The following SIRT1 variants were observed in gnomAD, a reference collection of about 807,000 sequenced individuals.
SIRT1 encodes NAD-dependent protein deacetylase sirtuin-1.
In SIRT1, 24 loss-of-function variants were observed where a neutral mutation model predicts 67.9. The ratio of observed to expected loss-of-function variants is 0.35; its 90% CI spans 0.26 to 0.50. The LOEUF (loss-of-function observed/expected upper bound fraction) is 0.50. Ranked by LOEUF, SIRT1 falls within the 20% of genes least tolerant of loss-of-function variation. SIRT1 has a pLI of 0.98. For missense variants in SIRT1, 873 were observed against 937.2 expected (o/e 0.93, Z 0.89); for synonymous variants, 378 against 350.7 (o/e 1.08, Z -0.87).
intron 8 of SIRT1, among the ~76,000 whole-genome samples, chr10:67,915,730 A>C (rs1156982052): frequency 1.3e-5 from 2 of 151,886 alleles, no homozygotes; most frequent in African/African-American, 4.8e-5. Flanking sequence ...TACTTTAGAG[A>C]AGCTACTTAA....
intron 1 of SIRT1, among the ~76,000 whole-genome samples, chr10:67,886,327 T>C (rs1031866593): frequency 1.3e-5 from 2 of 151,764 alleles, no homozygotes; most frequent in African/African-American, 4.8e-5. Context: ...GCGCGGTGGC[T>C]CTTTCGTGTA....
chr10:67,915,769 GC>G (rs1359761284), intron 8 of SIRT1, among the ~76,000 whole-genome samples: 1 of 152,154 alleles, frequency 6.6e-6, no homozygotes, highest in East Asian at 1.9e-4. Flanking sequence ...TGTAGGCTGG[GC>G]TGGATACTTC....
At chr10:67,901,053 A>C (rs1482980004) in intron 4 of SIRT1, among the ~76,000 whole-genome samples, 1 of 152,206 alleles carries the variant, frequency 6.6e-6, no homozygotes, top group Non-Finnish European at 1.5e-5. Context: ...CGTAATATGT[A>C]ATAGAAATGG....
intron 8 of SIRT1, among the ~76,000 whole-genome samples, chr10:67,914,614 G>A (rs1343213808): frequency 1.3e-5 from 2 of 152,146 alleles, no homozygotes; most frequent in African/African-American, 4.8e-5. Context: ...ACTTGCACTG[G>A]GAACTTTTCT....
At chr10:67,916,152 T>C (rs2029905045) in intron 8 of SIRT1, 113 bp from the exon 9 acceptor site, 1 of 936,828 alleles carries the variant, frequency 1.1e-6, no homozygotes, top group East Asian at 2.6e-5. Flanking sequence ...TAGTAGTCTT[T>C]CATAAGGACA....
At chr10:67,886,183 C>T (rs1842477529) in intron 1 of SIRT1, among the ~76,000 whole-genome samples, 1 of 151,844 alleles carries the variant, frequency 6.6e-6, no homozygotes, top group African/African-American at 2.4e-5. Context: ...CTTCGTGATC[C>T]GTCCGCCTCG....
At chr10:67,900,943 A>G (rs1192495302) in intron 4 of SIRT1, among the ~76,000 whole-genome samples, 2 of 152,108 alleles carry the variant, frequency 1.3e-5, no homozygotes, top group Non-Finnish European at 2.9e-5. Context: ...CGTGTACATT[A>G]TATATTCTTG....
intron 8 of SIRT1, among the ~76,000 whole-genome samples, chr10:67,915,936 C>G (rs1170931857): frequency 2.0e-5 from 3 of 152,132 alleles, no homozygotes; most frequent in Non-Finnish European, 4.4e-5. Context: ...TACAAAGATA[C>G]AATAAATGGC....
chr10:67,913,063 A>AT (rs1234342916), intron 8 of SIRT1, 32 bp downstream of exon 8: 2 of 1,557,100 alleles, frequency 1.3e-6, no homozygotes, highest in Non-Finnish European at 1.7e-6. Flanking sequence ...TTTTGAAAGT[A>AT]TAAATGTCAT....
At position 67,917,871 on chromosome 10, in the gene SIRT1, T is replaced by G. The variant is rs201330251; in HGVS notation, c.*1278T>G. ...CTAGTCTTTCAAGAAGTTCATACTTTATGAAATTGCACAGTAAGCATTTAT... is the reference window on the plus strand; with the variant it reads ...CTAGTCTTTCAAGAAGTTCATACTTGATGAAATTGCACAGTAAGCATTTAT... On this transcript the variant is annotated 3_prime_UTR_variant, in exon 9 of 9. Coordinates refer to ENST00000212015, the MANE Select transcript of SIRT1 (RefSeq NM_012238.5). 1 of 152,696 alleles carries G rather than the reference T, an allele frequency of 6.5e-6. No homozygotes were observed. The highest frequency in any genetic ancestry group is 1.5e-5 in the Non-Finnish European group (1 of 68,022). 9.5% of individuals were successfully genotyped at this position (152,696 alleles called of 1,614,324 possible).
At chr10:67,895,582 T>C (rs1043722016) in intron 4 of SIRT1, among the ~76,000 whole-genome samples, 1 of 151,874 alleles carries the variant, frequency 6.6e-6, no homozygotes, top group African/African-American at 2.4e-5. Context: ...TTGCTACTTA[T>C]GAGAAAACAT....
chr10:67,886,934 T>A (rs1842492474), intron 1 of SIRT1, among the ~76,000 whole-genome samples: 1 of 151,912 alleles, frequency 6.6e-6, no homozygotes, highest in South Asian at 2.1e-4. Context: ...TGCAATGGCG[T>A]GATCTCGGCT....
At chr10:67,888,791 C>T in intron 2 of SIRT1, 91 bp from the exon 3 acceptor site, 3 of 1,435,084 alleles carry the variant, frequency 2.1e-6, no homozygotes, top group South Asian at 1.5e-5. Context: ...GCAAAAAACC[C>T]TCACAGAATG....
intron 3 of SIRT1, among the ~76,000 whole-genome samples, chr10:67,890,966 C>G (rs1842561851): frequency 6.9e-6 from 1 of 145,396 alleles, no homozygotes; most frequent in Non-Finnish European, 1.5e-5. Context: ...GGAGGCGGAG[C>G]TTACAGTGAG....
At chr10:67,894,271 T>A (rs565404528) in intron 4 of SIRT1, among the ~76,000 whole-genome samples, 1 of 152,248 alleles carries the variant, frequency 6.6e-6, no homozygotes, top group South Asian at 2.1e-4. Context: ...TTAAAACTTA[T>A]ATAATTTGAA....
chr10:67,910,328 ATG>A (rs1480082651), intron 7 of SIRT1, among the ~76,000 whole-genome samples: 2 of 152,048 alleles, frequency 1.3e-5, no homozygotes, highest in Non-Finnish European at 2.9e-5. Flanking sequence ...TGAGCCGAGA[ATG>A]TGCCACTGCA....
chr10:67,909,115 G>T, intron 6 of SIRT1, 141 bp from the exon 7 acceptor site: 1 of 580,762 alleles, frequency 1.7e-6, no homozygotes. Flanking sequence ...ATTGACAGTT[G>T]CTGTTTATCC....
chr10:67,894,470 G>A (rs1842622251), intron 4 of SIRT1, among the ~76,000 whole-genome samples: 1 of 152,160 alleles, frequency 6.6e-6, no homozygotes, highest in Admixed American at 6.6e-5. Flanking sequence ...GACCAGTGAA[G>A]TATGACTTAA....
chr10:67,895,758 T>TTA (rs1842647661), intron 4 of SIRT1, among the ~76,000 whole-genome samples: 1 of 143,762 alleles, frequency 7.0e-6, no homozygotes, highest in Non-Finnish European at 1.5e-5. Flanking sequence ...GTTTTTTTTT[T>TTA]TTGAGACAGT....
Sources: gnomAD v4.1 joint callset for allele counts (sites outside exome capture counted in the v4.1 genomes callset) on GRCh38, gnomAD v4.1.1 for gene constraint, MANE v1.5 for transcripts, NCBI Gene and HGNC (gene_info 2026-07-23, HGNC 2026-07-21) for gene names.